Variants in KRT1 observed in about 807,000 individuals in gnomAD.
KRT1 encodes keratin 1.
A neutral mutation model predicts 51.6 loss-of-function variants in KRT1; 28 were observed. The ratio of observed to expected loss-of-function variants is 0.54; its 90% confidence interval spans 0.40 to 0.74. The LOEUF (loss-of-function observed/expected upper bound fraction) is 0.74, where lower values mean the gene tolerates loss of function less well. KRT1 is among the 30% of genes least tolerant of loss of function. The pLI, the probability that KRT1 is intolerant of heterozygous loss-of-function variation, is 0.00. For synonymous variants in KRT1, 301 were observed against 307.7 expected (o/e 0.98, Z 0.23); for missense variants, 783 against 815.5 (o/e 0.96, Z 0.49).
intron 3 of KRT1, 57 bp downstream of exon 3, chr12:52,678,106 A>T (rs1349239238): frequency 5.8e-6 from 9 of 1,541,128 alleles, no homozygotes; most frequent in Admixed American, 1.7e-5. Flanking sequence ...TAGTAATTGG[A>T]GACCCTCTTC....
Position 52,679,914 on chromosome 12 carries a change from A to C in KRT1, c.435T>G (p.Pro145=). 1 of 1,613,974 alleles carries C rather than the reference A, an allele frequency of 6.2e-7. No individual in the cohort carries two copies. Among genetic ancestry groups the C allele is most frequent in the Non-Finnish European group, 8.5e-7 (1 of 1,179,942 alleles). ...GGGGYGGGYG[P]VCPPGGIQEV... ...CTTGTATGCCACCAGGAGGGCAGAC[A>C]GGACCATAACCACCCCCATATCCAC... The change falls in exon 1 of 9, where the codon CCT becomes CCG. Residue 145 remains proline, a synonymous_variant. Transcript: ENST00000252244.
intron 7 of KRT1, among the ~76,000 whole-genome samples, 188 bp downstream of exon 7, chr12:52,676,087 G>GA (rs1372405978): frequency 2.0e-5 from 3 of 152,104 alleles, no homozygotes; most frequent in Non-Finnish European, 2.9e-5. Context: ...AGCCCTAGAA[G>GA]AAAAAAATAA....
intron 6 of KRT1, 119 bp downstream of exon 6, chr12:52,676,940 G>A: frequency 7.5e-7 from 1 of 1,340,386 alleles, no homozygotes; most frequent in Non-Finnish European, 1.1e-6. Context: ...AAAGGAACCA[G>A]GGATAATAAT....
Position 52,677,693 on chromosome 12 carries a change from T to C in KRT1, c.920A>G (p.Asn307Ser), listed in dbSNP as rs1555171359. The C allele has an allele frequency of 6.2e-7, 1 of 1,614,210 alleles. No homozygotes were observed. Among genetic ancestry groups the C allele is most frequent in the East Asian group, 2.2e-5 (1 of 44,878 alleles). Residue 307 changes from asparagine (N) to serine (S), a missense_variant, in exon 4 of 9, where the codon AAC (asparagine) becomes AGC (serine). Asn to Ser is a conservative substitution (Grantham distance 46). Transcript: ENST00000252244. ...AAGGAAATCAATTTCCTGCTGCAAG[T>C]TGTCAAGTTTGGCCTGAAGGTCCAC... ...TKVDLQAKLD[N>S]LQQEIDFLTA...
In KRT1 at chr12:52,680,407, T is replaced by C; in HGVS notation, c.-59A>G. Reference sequence around the variant, plus strand: ...TAAGGGAAGGAGCTAAACACTCCTCTACCCCAAGCATAGAGACTTCCCCTT... The same window carrying C: ...TAAGGGAAGGAGCTAAACACTCCTCCACCCCAAGCATAGAGACTTCCCCTT... On this transcript the variant is annotated 5_prime_UTR_variant, in exon 1 of 9. Transcript: ENST00000252244. 1 of 1,455,116 alleles carries C rather than the reference T, an allele frequency of 6.9e-7. No homozygotes were observed. The highest frequency in any genetic ancestry group is 9.6e-7 in the Non-Finnish European group (1 of 1,041,642). The allele number at this position is 1,455,116 out of a possible 1,614,324, so 90.1% of individuals were successfully genotyped here. A position where few individuals can be genotyped will look rare whatever the true frequency, so the allele number is the denominator to read the frequency against.
rs1241642626 is a variant in KRT1, at chr12:52,677,187, A to T, written c.1129-3T>A. 7 of 1,614,202 alleles carry T rather than the reference A, an allele frequency of 4.3e-6. No individual in the cohort carries two copies. Among genetic ancestry groups the T allele is most frequent in the Non-Finnish European group, 5.9e-6 (7 of 1,180,042 alleles). Reference sequence around the variant, plus strand: ...GCAGTGATCTGCAGCTCTTCATACTAAAGATGGTAGATAGCGTTTGTTAAA... The same window carrying T: ...GCAGTGATCTGCAGCTCTTCATACTTAAGATGGTAGATAGCGTTTGTTAAA... On this transcript the variant is annotated splice_region_variant and splice_polypyrimidine_tract_variant and intron_variant, in intron 5 of 8. Coordinates refer to ENST00000252244, the MANE Select transcript of KRT1 (RefSeq NM_006121.4).
Position 52,675,319 on chromosome 12 carries a change from G to A in KRT1, c.1809C>T (p.Gly603=). 1 of 1,612,048 alleles carries A rather than the reference G, an allele frequency of 6.2e-7. No individual in the cohort carries two copies. The highest frequency in any genetic ancestry group is 8.5e-7 in the Non-Finnish European group (1 of 1,179,650). Residue 603 remains glycine (G), a synonymous_variant, in exon 9 of 9, where the codon GGC becomes GGT. Coordinates refer to ENST00000252244, the MANE Select transcript of KRT1 (RefSeq NM_006121.4). ...GGGGGSSGGR[G]SGGGSSGGSI... is the part of the protein sequence containing the mutation. ...AGCCTCCAGAGCTCCCGCCGCCAGA[G>A]CCCCGGCCGCCAGAGCTGCCGCCGC...
intron 3 of KRT1, 53 bp downstream of exon 3, chr12:52,678,110 C>A (rs1288303114): frequency 1.9e-6 from 3 of 1,560,534 alleles, no homozygotes; most frequent in Non-Finnish European, 2.7e-6. Context: ...AATTGGAGAC[C>A]CTCTTCCCTT....
Position 52,676,514 on chromosome 12 carries a change from C to T in KRT1, c.1255-19G>A. On this transcript the variant is annotated intron_variant, in intron 6 of 8. Transcript: ENST00000252244. ...TGGAGATCTGAAAAAGAATATGACA[C>T]CCTCTCATAATATGCATTCCCCACT... is the stretch of plus-strand genomic sequence containing the variant. 1 of 1,613,254 alleles carries T rather than the reference C, an allele frequency of 6.2e-7. No individual in the cohort carries two copies.
In KRT1 at chr12:52,674,933, T is replaced by C. The variant is rs1941477810; in HGVS notation, c.*260A>G. On this transcript the variant is annotated 3_prime_UTR_variant, in exon 9 of 9. Coordinates refer to ENST00000252244, the MANE Select transcript of KRT1 (RefSeq NM_006121.4). ...TAAGGAGGTGCTTTGAAATGTCATG[T>C]GGGTGGTGGTCACTGCTGAACTGTT... 1 of 602,130 alleles carries C rather than the reference T, an allele frequency of 1.7e-6. No homozygotes were observed. The highest frequency in any genetic ancestry group is 2.9e-5 in the East Asian group (1 of 34,598). 37.3% of individuals were successfully genotyped at this position (602,130 alleles called of 1,614,324 possible).
intron 1 of KRT1, 25 bp from the exon 2 acceptor site, chr12:52,678,781 C>A: frequency 6.2e-7 from 1 of 1,601,350 alleles, no homozygotes; most frequent in Non-Finnish European, 8.5e-7. Flanking sequence ...CCCCTTTACT[C>A]CTGATGCATA....
chr12:52,679,192 TA>T (rs897576576), intron 1 of KRT1, among the ~76,000 whole-genome samples: 11 of 151,960 alleles, frequency 7.2e-5, no homozygotes, highest in African/African-American at 1.2e-4. Context: ...AGCAAAAAAT[TA>T]AAAAAATGGT....
chr12:52,676,964 G>T (rs1941515049), intron 6 of KRT1, 95 bp downstream of exon 6: 9 of 1,491,210 alleles, frequency 6.0e-6, no homozygotes, highest in Admixed American at 1.7e-5. Context: ...GCCTTGGGAT[G>T]AATTGCAAGA....
intron 1 of KRT1, among the ~76,000 whole-genome samples, 188 bp downstream of exon 1, chr12:52,679,570 T>C (rs1484174542): frequency 6.6e-6 from 1 of 152,204 alleles, no homozygotes. Context: ...GAACCCTTTG[T>C]CAAAGAGAGA....
Position 52,679,848 on chromosome 12 carries a change from C to T in KRT1, c.501G>A (p.Val167=). The part of the protein sequence containing the change: ...INQSLLQPLN[V]EIDPEIQKVK... ...CCTTTTGGATCTCAGGGTCAATCTC[C>T]ACATTGAGGGGCTGAAGAAGGCTCT... The change falls in exon 1 of 9, where the codon GTG becomes GTA. Residue 167 remains valine (V), a synonymous_variant. Coordinates refer to ENST00000252244, the MANE Select transcript of KRT1 (RefSeq NM_006121.4). 1 of 1,614,158 alleles carries T rather than the reference C, an allele frequency of 6.2e-7. No homozygotes were observed. Among genetic ancestry groups the T allele is most frequent in the Non-Finnish European group, 8.5e-7 (1 of 1,180,026 alleles).
At chr12:52,677,832 A>G (rs1941534388) in intron 3 of KRT1, 87 bp from the exon 4 acceptor site, 2 of 1,213,642 alleles carry the variant, frequency 1.6e-6, no homozygotes, top group African/African-American at 3.0e-5. Flanking sequence ...CAAGCAAAAA[A>G]AGGAGCTTTG....
In KRT1 at chr12:52,676,587, TGAGTCCAACA is replaced by T. The variant is rs1941507608; in HGVS notation, c.1255-102_1255-93del. On this transcript the variant is annotated intron_variant, in intron 6 of 8. Coordinates refer to ENST00000252244, the MANE Select transcript of KRT1 (RefSeq NM_006121.4). ...CTCCCCACTCCAGTGAGGCCAATAA[TGAGTCCAACA>T]GAACCACTTGGCCTTAAGTCATCTC... The T allele has an allele frequency of 2.4e-6, 3 of 1,274,680 alleles. No individual in the cohort carries two copies. The Admixed American group carries it at 5.7e-5, about 24-fold the overall frequency. 79.0% of individuals were successfully genotyped at this position (1,274,680 alleles called of 1,614,324 possible). A position where few individuals can be genotyped will look rare whatever the true frequency, so the allele number is the denominator to read the frequency against.
At chr12:52,678,043 A>G in intron 3 of KRT1, 120 bp downstream of exon 3, 2 of 941,856 alleles carry the variant, frequency 2.1e-6, no homozygotes, top group South Asian at 2.7e-5. Flanking sequence ...GCCCCACTCC[A>G]TATACTCCCC....
At position 52,675,359 on chromosome 12, in the gene KRT1, C is replaced by T; in HGVS notation, c.1769G>A (p.Gly590Asp). The T allele has an allele frequency of 6.2e-7, 1 of 1,610,148 alleles. No individual in the cohort carries two copies. Among genetic ancestry groups the T allele is most frequent in the Non-Finnish European group, 8.5e-7 (1 of 1,179,156 alleles). The change falls in exon 9 of 9, where the codon GGC becomes GAC. Residue 590 changes from glycine to aspartate, a missense_variant. Transcript: ENST00000252244. ...SGSSSGGYRG[G>D]SGGGGGGSSG... ...GCTGCCGCCGCCGCCGCCTCCAGAG[C>T]CACCTCTGTAGCCCCCACTGCTGCT...
Sources: allele counts gnomAD v4.1 joint callset (sites outside exome capture counted in the v4.1 genomes callset), GRCh38; gene constraint gnomAD v4.1.1; transcripts MANE v1.5; gene names NCBI Gene and HGNC (gene_info 2026-07-23, HGNC 2026-07-21).